The following FRMPD4 variants were observed in gnomAD, a reference collection of about 807,000 sequenced individuals.
The protein encoded by FRMPD4 is FERM and PDZ domain-containing protein 4.
FRMPD4 carries 22 observed loss-of-function variants against 94.1 expected under a neutral mutation model. The observed-to-expected ratio is 0.23, with a 90% CI of 0.17 to 0.33. The LOEUF (loss-of-function observed/expected upper bound fraction) is 0.33. FRMPD4 is among the 10% of genes least tolerant of loss of function. The pLI is 1.00. For synonymous variants in FRMPD4, 631 were observed against 548.6 expected, an observed-to-expected ratio of 1.15 and a Z score of -2.10; for missense variants, 1,111 against 1,339.9, an observed-to-expected ratio of 0.83 and a Z score of 2.67.
At chrX:12,660,008 G>T (rs1328699561) in intron 4 of FRMPD4, among the ~76,000 whole-genome samples, 1 of 111,934 alleles carries the variant, frequency 8.9e-6, no homozygotes, top group Non-Finnish European at 1.9e-5. Context: ...TTGAAATGAT[G>T]CAATTTCATC....
At chrX:12,369,040 C>T (rs770036366) in intron 1 of FRMPD4, among the ~76,000 whole-genome samples, 1 of 110,664 alleles carries the variant, frequency 9.0e-6, no homozygotes, top group African/African-American at 3.3e-5. Context: ...GTCTTTACCC[C>T]ACTTCATCTT....
At chrX:11,825,209 T>G (rs2053435469) in intron 1 of FRMPD4, among the ~76,000 whole-genome samples, 2 of 104,471 alleles carry the variant, frequency 1.9e-5, no homozygotes, top group Admixed American at 2.1e-4. Context: ...TGTGTGTGTG[T>G]GTGTGTGTGT....
In FRMPD4 at chrX:12,497,374, G is replaced by T. The variant is rs12116306; in HGVS notation, c.42-1306G>T. Among the ~76,000 whole-genome samples the T allele has an allele frequency of 4.1e-3, 449 of 109,136 alleles. 5 individuals are homozygous for T. Among genetic ancestry groups the T allele is most frequent in the African/African-American group, 0.014 (420 of 30,050 alleles). The allele number at this position is 109,136 out of a possible 115,157, so 94.8% of individuals were successfully genotyped here. On this transcript the variant is annotated intron_variant, in intron 1 of 16. Transcript: ENST00000675598. ...TCTACTAGCGTAGAGAAATTGGTGGGTTTTTTTGGTTTTGCGTGTGGTTTT... is the reference window on the plus strand; with the variant it reads ...TCTACTAGCGTAGAGAAATTGGTGGTTTTTTTTGGTTTTGCGTGTGGTTTT...
intron 3 of FRMPD4, among the ~76,000 whole-genome samples, chrX:12,032,517 T>C (rs1304620101): frequency 8.9e-6 from 1 of 112,159 alleles, no homozygotes; most frequent in Admixed American, 9.4e-5. Context: ...AGGAGATCAA[T>C]AGGAAAACTA....
chrX:12,714,318 G>A (rs1024255986), intron 14 of FRMPD4, among the ~76,000 whole-genome samples: 1 of 111,157 alleles, frequency 9.0e-6, no homozygotes, highest in Non-Finnish European at 1.9e-5. Flanking sequence ...TGCTTCTGGT[G>A]GCCGCCAGCA....
At chrX:12,167,222 A>G (rs1047933574) in intron 1 of FRMPD4, among the ~76,000 whole-genome samples, 5 of 111,745 alleles carry the variant, frequency 4.5e-5, no homozygotes, top group Non-Finnish European at 7.5e-5. Context: ...ACACTGCTTT[A>G]AATGTGTCCC....
In FRMPD4 at chrX:11,994,830, C is replaced by T. The variant is rs1488886083; in HGVS notation, c.95+116812C>T. On this transcript the variant is annotated intron_variant, in intron 3 of 18. Transcript: ENST00000640291. ...AGTAACTTGAACAGCCCAGAGTTTA[C>T]ACTTAGTCCATAGACTTCTAGAAGA... 5.4e-5 allele frequency among the ~76,000 whole-genome samples: 6 copies of T among 111,848 alleles called. No homozygotes were observed. The East Asian group carries it at 1.7e-3, about 31-fold the overall frequency.
chrX:12,498,683 C>A lies in FRMPD4; in HGVS notation c.45C>A (p.His15Gln). 1 of 1,139,403 alleles carries A rather than the reference C, an allele frequency of 8.8e-7. No homozygotes were observed. The highest frequency in any genetic ancestry group is 1.2e-6 in the Non-Finnish European group (1 of 833,800). The allele number at this position is 1,139,403 out of a possible 1,213,427, so 93.9% of individuals were successfully genotyped here. ...SFVKIAKLSS[H>Q]RTKSSGWPPP... ...CTTTTTTTTTTTTCTTTTCCAGCCA[C>A]AGGACGAAGTCTTCAGGCTGGCCGC... is the stretch of plus-strand genomic sequence containing the variant. The change falls in exon 2 of 17, where the codon CAC (histidine) becomes CAA (glutamine). Residue 15 changes from histidine (H) to glutamine (Q), a missense_variant. Physicochemically the swap from His to Gln is conservative, Grantham distance 24. This residue lies in a region of FRMPD4 where 140 missense variants were observed against 165.9 expected (regional missense o/e 0.84). Transcript: ENST00000675598.
chrX:12,164,234 C>T (rs2056074938), intron 1 of FRMPD4, among the ~76,000 whole-genome samples: 1 of 110,598 alleles, frequency 9.0e-6, no homozygotes, highest in African/African-American at 3.3e-5. Flanking sequence ...GTGTGAGGTT[C>T]CCCTTCCTGT....
At chrX:11,867,417 A>G (rs2053727042) in intron 2 of FRMPD4, among the ~76,000 whole-genome samples, 1 of 111,352 alleles carries the variant, frequency 9.0e-6, no homozygotes, top group East Asian at 2.8e-4. Context: ...CTGTGAATTC[A>G]CTTAACAAGG....
intron 1 of FRMPD4, among the ~76,000 whole-genome samples, chrX:12,207,311 T>C (rs976830866): frequency 2.7e-5 from 3 of 111,634 alleles, no homozygotes; most frequent in African/African-American, 9.8e-5. Flanking sequence ...TTTCTTTAGA[T>C]AGAAATTTCT....
At chrX:12,053,764 A>G (rs1250886763) in intron 3 of FRMPD4, among the ~76,000 whole-genome samples, 1 of 112,305 alleles carries the variant, frequency 8.9e-6, no homozygotes, top group Non-Finnish European at 1.9e-5. Context: ...CCTTTATGAC[A>G]AAAGACAGAT....
At chrX:12,077,486 C>A (rs970201685) in intron 3 of FRMPD4, among the ~76,000 whole-genome samples, 1 of 111,458 alleles carries the variant, frequency 9.0e-6, no homozygotes, top group African/African-American at 3.3e-5. Flanking sequence ...CATTTCCTTC[C>A]CGAACTGATG....
At chrX:12,405,696 T>G (rs1404512084) in intron 1 of FRMPD4, among the ~76,000 whole-genome samples, 1 of 111,557 alleles carries the variant, frequency 9.0e-6, no homozygotes, top group African/African-American at 3.3e-5. Flanking sequence ...TTATCTTACT[T>G]TTCTGGAATT....
intron 1 of FRMPD4, among the ~76,000 whole-genome samples, chrX:12,157,552 G>C (rs1682627958): frequency 9.0e-6 from 1 of 111,590 alleles, no homozygotes; most frequent in Non-Finnish European, 1.9e-5. Flanking sequence ...AGAGCTCCCC[G>C]TAACCACAGG....
At position 11,869,736 on chromosome X, in the gene FRMPD4, T is replaced by C. The variant is rs376822914; in HGVS notation, c.-30+4520T>C. Among the ~76,000 whole-genome samples, 43 of 111,709 alleles carry C rather than the reference T, an allele frequency of 3.8e-4. No individual in the cohort carries two copies. The East Asian group carries it at 9.3e-3, about 24-fold the overall frequency. On this transcript the variant is annotated intron_variant, in intron 2 of 18. Coordinates refer to the FRMPD4 transcript ENST00000640291. ...TCAATACACATCACAGGAGAAAAAC[T>C]CTGGTTTAGGAAGAAAACTCTGTCT... is the stretch of plus-strand genomic sequence containing the variant.
chrX:12,345,089 A>T (rs778511660), intron 1 of FRMPD4, among the ~76,000 whole-genome samples: 4 of 105,122 alleles, frequency 3.8e-5, no homozygotes, highest in Non-Finnish European at 7.9e-5. Flanking sequence ...TGGATGAATG[A>T]ATGAATGGAT....
At chrX:12,453,563 T>G (rs930764152) in intron 1 of FRMPD4, among the ~76,000 whole-genome samples, 2 of 111,717 alleles carry the variant, frequency 1.8e-5, no homozygotes, top group Non-Finnish European at 3.8e-5. Context: ...TAGCGTATCA[T>G]CCCTCAGTAT....
intron 3 of FRMPD4, among the ~76,000 whole-genome samples, chrX:12,080,133 CTG>C (rs2147482330): frequency 8.9e-6 from 1 of 112,308 alleles, no homozygotes; most frequent in East Asian, 2.8e-4. Context: ...TTTGCCAACT[CTG>C]TGGCTCTCCA....
Sources: gnomAD v4.1 joint callset for allele counts (sites outside exome capture counted in the v4.1 genomes callset) on GRCh38, gnomAD v4.1.1 for gene constraint, gnomAD v4.1.1 regional missense constraint, MANE v1.5 for transcripts, NCBI Gene and HGNC (gene_info 2026-07-23, HGNC 2026-07-21) for gene names.